The following ASIC2 variants were observed in gnomAD, a reference collection of about 807,000 sequenced individuals.
ASIC2 encodes the protein acid-sensing ion channel 2.
In ASIC2, 25 loss-of-function variants were observed where a neutral mutation model predicts 57.3. That is an observed-to-expected ratio of 0.44 (90% CI 0.32 to 0.61). The LOEUF (loss-of-function observed/expected upper bound fraction) is 0.61, where lower values mean the gene tolerates loss of function less well. Ranked by LOEUF, ASIC2 falls within the 20% of genes least tolerant of loss-of-function variation. The pLI, the probability that ASIC2 is intolerant of heterozygous loss-of-function variation, is 0.06. For synonymous variants in ASIC2, 319 were observed against 307.5 expected, an observed-to-expected ratio of 1.04 and a Z score of -0.39; for missense variants, 641 against 738.1, an observed-to-expected ratio of 0.87 and a Z score of 1.52.
chr17:33,090,329 G>T (rs987231445), intron 2 of ASIC2, among the ~76,000 whole-genome samples: 4 of 152,174 alleles, frequency 2.6e-5, no homozygotes, highest in Non-Finnish European at 4.4e-5. Context: ...GGCTTTAACT[G>T]TTTCCTCCAG....
intron 1 of ASIC2, among the ~76,000 whole-genome samples, chr17:33,454,126 T>C (rs1912366650): frequency 6.6e-6 from 1 of 152,244 alleles, no homozygotes; most frequent in African/African-American, 2.4e-5. Context: ...AAGCATTTCC[T>C]TTTCTCTCAT....
intron 1 of ASIC2, among the ~76,000 whole-genome samples, chr17:33,749,676 C>T (rs1001125996): frequency 4.6e-5 from 7 of 152,040 alleles, no homozygotes; most frequent in Non-Finnish European, 7.4e-5. Context: ...GAGGAGAGGA[C>T]GACTGCCTCT....
At chr17:33,738,691 T>C (rs1028907471) in intron 1 of ASIC2, among the ~76,000 whole-genome samples, 1 of 152,208 alleles carries the variant, frequency 6.6e-6, no homozygotes, top group African/African-American at 2.4e-5. Context: ...GTTTCTGACC[T>C]GCTCCTAGGG....
At chr17:34,015,526 A>G (rs1334820930) in intron 1 of ASIC2, among the ~76,000 whole-genome samples, 1 of 152,190 alleles carries the variant, frequency 6.6e-6, no homozygotes. Context: ...TCTGCTACAG[A>G]GCATCTGCTC....
At chr17:34,058,333 G>A (rs377412882) in intron 1 of ASIC2, among the ~76,000 whole-genome samples, 33 of 152,162 alleles carry the variant, frequency 2.2e-4, no homozygotes, top group African/African-American at 7.0e-4. Context: ...CTCACCTTCC[G>A]AACCAAGCTT....
chr17:33,052,300 A>T (rs2091980138), intron 3 of ASIC2: 1 of 152,196 alleles, frequency 6.6e-6, no homozygotes, highest in East Asian at 1.9e-4. Context: ...CAAAATTGTT[A>T]ATTCTTCTGG....
intron 1 of ASIC2, among the ~76,000 whole-genome samples, chr17:33,518,908 C>T (rs918912400): frequency 2.0e-5 from 3 of 151,982 alleles, no homozygotes; most frequent in Non-Finnish European, 2.9e-5. Flanking sequence ...GCAAGCTCCG[C>T]CTTCCGGGTT....
At chr17:33,288,812 T>C (rs930510705) in intron 1 of ASIC2, among the ~76,000 whole-genome samples, 10 of 150,338 alleles carry the variant, frequency 6.7e-5, no homozygotes, top group Non-Finnish European at 4.4e-5. Context: ...TTTAGGAAAC[T>C]CAAGAATAGA....
At chr17:33,274,715 C>T (rs1904635743) in intron 1 of ASIC2, among the ~76,000 whole-genome samples, 1 of 152,148 alleles carries the variant, frequency 6.6e-6, no homozygotes, top group South Asian at 2.1e-4. Context: ...AACAAAATTT[C>T]CCCAGATGAT....
At chr17:33,183,141 G>A (rs1485998499) in intron 1 of ASIC2, among the ~76,000 whole-genome samples, 2 of 152,186 alleles carry the variant, frequency 1.3e-5, no homozygotes, top group African/African-American at 4.8e-5. Flanking sequence ...AAGCCCATCT[G>A]CCCCACTCCT....
intron 1 of ASIC2, among the ~76,000 whole-genome samples, chr17:33,896,225 A>G (rs912587886): frequency 2.6e-5 from 4 of 152,256 alleles, no homozygotes; most frequent in Non-Finnish European, 5.9e-5. Context: ...GCCTGACTTC[A>G]GGCCAAGGAT....
At chr17:33,720,556 T>G (rs1909358009) in intron 1 of ASIC2, among the ~76,000 whole-genome samples, 1 of 152,176 alleles carries the variant, frequency 6.6e-6, no homozygotes, top group Non-Finnish European at 1.5e-5. Context: ...TCAGTTCTAG[T>G]AACTTGAGGA....
intron 1 of ASIC2, among the ~76,000 whole-genome samples, chr17:33,128,695 G>A (rs1420220470): frequency 4.6e-5 from 7 of 152,182 alleles, no homozygotes; most frequent in South Asian, 2.1e-4. Flanking sequence ...GGGAAAGGAC[G>A]GAACTGTGGG....
intron 1 of ASIC2, among the ~76,000 whole-genome samples, chr17:33,845,384 T>C (rs1178979266): frequency 1.3e-5 from 2 of 152,102 alleles, no homozygotes; most frequent in East Asian, 3.9e-4. Context: ...TTGTATTTCA[T>C]TGAGTGAAGG....
intron 1 of ASIC2, among the ~76,000 whole-genome samples, chr17:33,229,011 A>G (rs564335615): frequency 6.6e-6 from 1 of 152,296 alleles, no homozygotes; most frequent in African/African-American, 2.4e-5. Context: ...TTAGGCAGAG[A>G]CTGAGAAGTT....
intron 1 of ASIC2, among the ~76,000 whole-genome samples, chr17:33,922,127 G>T (rs1915721099): frequency 1.3e-5 from 2 of 152,126 alleles, no homozygotes; most frequent in Admixed American, 1.3e-4. Flanking sequence ...AGAGCAAAGT[G>T]TTAACACTTT....
intron 3 of ASIC2, among the ~76,000 whole-genome samples, chr17:33,081,932 G>A (rs1031672369): frequency 2.0e-5 from 3 of 152,156 alleles, no homozygotes; most frequent in African/African-American, 7.2e-5. Context: ...ATTCTTATTT[G>A]CCTTTATTGT....
At chr17:33,869,371 C>T (rs1914330351) in intron 1 of ASIC2, among the ~76,000 whole-genome samples, 1 of 152,154 alleles carries the variant, frequency 6.6e-6, no homozygotes, top group African/African-American at 2.4e-5. Context: ...AAAACTGACC[C>T]AGCAAGTCCG....
chr17:33,830,108 T>C (rs1006280385), intron 1 of ASIC2, among the ~76,000 whole-genome samples: 3 of 152,188 alleles, frequency 2.0e-5, no homozygotes, highest in Non-Finnish European at 4.4e-5. Flanking sequence ...ATTCCACTTA[T>C]TAGAAAGCTC....
Sources: allele counts gnomAD v4.1 joint callset (sites outside exome capture counted in the v4.1 genomes callset), GRCh38; gene constraint gnomAD v4.1.1; transcripts MANE v1.5; gene names NCBI Gene and HGNC (gene_info 2026-07-23, HGNC 2026-07-21).